AUTS2: variants seen among roughly 807,000 people sequenced by gnomAD.
AUTS2 encodes the protein autism susceptibility gene 2 protein.
A neutral mutation model predicts 112.4 loss-of-function variants in AUTS2; 17 were observed. The ratio of observed to expected loss-of-function variants is 0.15; its 90% CI spans 0.10 to 0.23. The LOEUF (loss-of-function observed/expected upper bound fraction) is 0.23. Among genes scored for constraint, AUTS2 ranks in the 10% least tolerant of loss-of-function variants. The pLI is 1.00. For synonymous variants in AUTS2, 751 were observed against 702.7 expected, an observed-to-expected ratio of 1.07 and a Z score of -1.09; for missense variants, 1,510 against 1,701.6, an observed-to-expected ratio of 0.89 and a Z score of 1.98.
intron 1 of AUTS2, among the ~76,000 whole-genome samples, chr7:69,798,678 T>G (rs1156713617): frequency 6.6e-6 from 1 of 152,110 alleles, no homozygotes; most frequent in Non-Finnish European, 1.5e-5. Context: ...TTACGGAAAT[T>G]AGTACGGAAG....
At chr7:70,266,731 A>T (rs183581882) in intron 4 of AUTS2, among the ~76,000 whole-genome samples, 213 of 152,174 alleles carry the variant, frequency 1.4e-3, no homozygotes, top group Non-Finnish European at 2.4e-3. Context: ...AAAGCTGTTT[A>T]AAAAAAACCC....
rs1789677821 is a variant in AUTS2 at position 70,763,149 on chromosome 7, C to T, written c.1022C>T (p.Pro341Leu). 2 of 1,613,858 alleles carry T rather than the reference C, an allele frequency of 1.2e-6. No homozygotes were observed. Among genetic ancestry groups the T allele is most frequent in the Non-Finnish European group, 1.7e-6 (2 of 1,179,952 alleles). The change falls in exon 7 of 19, where the codon CCA becomes CTA. Residue 341 changes from proline to leucine, a missense_variant. Physicochemically the swap from Pro to Leu is moderately conservative, Grantham distance 98. This residue lies in a region of AUTS2 where 535 missense variants were observed against 594.3 expected (regional missense o/e 0.90). Transcript: ENST00000342771. ...PPQPPPLSTQ[P>L]PQGPPEAQLQ... is the part of the protein sequence containing the mutation. ...CAACCCCCACCTCTGAGTACACAGC[C>T]ACCACAGGGCCCTCCTGAGGCCCAG...
chr7:70,722,604 G>C (rs1205793237), intron 6 of AUTS2, among the ~76,000 whole-genome samples: 2 of 152,152 alleles, frequency 1.3e-5, no homozygotes, highest in African/African-American at 4.8e-5. Flanking sequence ...TAACTAATTA[G>C]ATTTGACTAG....
chr7:70,307,078 A>G (rs1789526525), intron 4 of AUTS2, among the ~76,000 whole-genome samples: 2 of 152,228 alleles, frequency 1.3e-5, no homozygotes, highest in Admixed American at 6.5e-5. Flanking sequence ...ATGAATAGAA[A>G]ATACTATTGA....
intron 1 of AUTS2, among the ~76,000 whole-genome samples, chr7:69,866,668 C>T (rs1484428055): frequency 6.6e-6 from 1 of 152,170 alleles, no homozygotes; most frequent in Non-Finnish European, 1.5e-5. Context: ...TTTAGGTCTT[C>T]CTCAACATTC....
intron 5 of AUTS2, among the ~76,000 whole-genome samples, chr7:70,543,048 C>A (rs1385474970): frequency 6.6e-6 from 1 of 152,144 alleles, no homozygotes; most frequent in Non-Finnish European, 1.5e-5. Context: ...GGAACATGGA[C>A]AAGTGACACC....
chr7:70,030,342 A>G (rs1183657293), intron 2 of AUTS2, among the ~76,000 whole-genome samples: 2 of 152,174 alleles, frequency 1.3e-5, no homozygotes, highest in Non-Finnish European at 2.9e-5. Flanking sequence ...GTCACATTTG[A>G]CAGGTGTGAG....
chr7:70,146,039 A>C (rs937460056), intron 4 of AUTS2, among the ~76,000 whole-genome samples: 1 of 152,132 alleles, frequency 6.6e-6, no homozygotes, highest in African/African-American at 2.4e-5. Context: ...AACAAGGATA[A>C]AATCAATGCA....
At chr7:70,751,544 G>A (rs1168694606) in intron 6 of AUTS2, among the ~76,000 whole-genome samples, 1 of 152,158 alleles carries the variant, frequency 6.6e-6, no homozygotes, top group Non-Finnish European at 1.5e-5. Context: ...TAAGGAATGT[G>A]TGCTGTGGCT....
At chr7:70,586,821 T>A (rs927011147) in intron 5 of AUTS2, among the ~76,000 whole-genome samples, 8 of 152,240 alleles carry the variant, frequency 5.3e-5, no homozygotes, top group Admixed American at 5.2e-4. Context: ...ATTTTCCTAA[T>A]TTCTTTATTT....
At chr7:70,228,398 G>T (rs10234106) in intron 4 of AUTS2, among the ~76,000 whole-genome samples, 12,140 of 148,854 alleles carry the variant, frequency 0.082, 629 homozygotes, top group African/African-American at 0.14. Context: ...TCTTTTTTTT[G>T]AATTTTAAAT....
At chr7:70,324,517 C>T (rs546498731) in intron 4 of AUTS2, among the ~76,000 whole-genome samples, 1 of 151,992 alleles carries the variant, frequency 6.6e-6, no homozygotes, top group Non-Finnish European at 1.5e-5. Flanking sequence ...CCCAACCACT[C>T]GGGAGGCTGA....
chr7:69,827,601 G>A (rs914203021), intron 1 of AUTS2, among the ~76,000 whole-genome samples: 2 of 152,210 alleles, frequency 1.3e-5, no homozygotes, highest in African/African-American at 2.4e-5. Flanking sequence ...GGGGAAAGGT[G>A]TAGGGAGGTG....
intron 5 of AUTS2, among the ~76,000 whole-genome samples, chr7:70,484,894 C>G (rs1797925635): frequency 6.6e-6 from 1 of 152,170 alleles, no homozygotes; most frequent in Non-Finnish European, 1.5e-5. Flanking sequence ...CTCAACATCA[C>G]TAATTATCAG....
chr7:70,693,647 C>A (rs1344344175), intron 5 of AUTS2, among the ~76,000 whole-genome samples: 1 of 152,248 alleles, frequency 6.6e-6, no homozygotes, highest in East Asian at 1.9e-4. Flanking sequence ...ATGTGCCAGG[C>A]CTTTTACATA....
intron 1 of AUTS2, among the ~76,000 whole-genome samples, chr7:69,636,537 C>T (rs1490585252): frequency 6.8e-6 from 1 of 146,646 alleles, no homozygotes; most frequent in Non-Finnish European, 1.5e-5. Flanking sequence ...AGTCCCCACA[C>T]CTGGCCTGGA....
In AUTS2 at chr7:70,148,833, A is replaced by G. The variant is rs181289344; in HGVS notation, c.660+14262A>G. On this transcript the variant is annotated intron_variant, in intron 4 of 18. Coordinates refer to ENST00000342771, the MANE Select transcript of AUTS2 (RefSeq NM_015570.4). ...AATATGATGAGAATTTATAACAAAAATAATGTAACGTATTTGATTATTTCT... is the reference window on the plus strand; with the variant it reads ...AATATGATGAGAATTTATAACAAAAGTAATGTAACGTATTTGATTATTTCT... Among the ~76,000 whole-genome samples the G allele has an allele frequency of 2.9e-3, 444 of 152,302 alleles. 3 individuals carry two copies. The highest frequency in any genetic ancestry group is 2.9e-3 in the Non-Finnish European group (197 of 67,982).
intron 1 of AUTS2, among the ~76,000 whole-genome samples, chr7:69,651,925 G>A (rs1399978212): frequency 1.3e-5 from 2 of 152,206 alleles, no homozygotes; most frequent in African/African-American, 4.8e-5. Flanking sequence ...TTGGTCTACA[G>A]GGTGTGATTT....
At chr7:69,862,043 C>T (rs1793010015) in intron 1 of AUTS2, among the ~76,000 whole-genome samples, 2 of 152,112 alleles carry the variant, frequency 1.3e-5, no homozygotes, top group Non-Finnish European at 2.9e-5. Flanking sequence ...CAATTTGGGG[C>T]ACCTGCCGTG....
Sources: gnomAD v4.1 joint callset for allele counts (sites outside exome capture counted in the v4.1 genomes callset) on GRCh38, gnomAD v4.1.1 for gene constraint, gnomAD v4.1.1 regional missense constraint, MANE v1.5 for transcripts, NCBI Gene and HGNC (gene_info 2026-07-23, HGNC 2026-07-21) for gene names.